The following ST3GAL3 variants were observed in gnomAD, a reference collection of about 807,000 sequenced individuals.
The protein encoded by ST3GAL3 is CMP-N-acetylneuraminate-beta-1,4-galactoside alpha-2,3-sialyltransferase.
ST3GAL3 carries 21 observed loss-of-function variants against 50.1 expected under a neutral mutation model. The ratio of observed to expected loss-of-function variants is 0.42; its 90% CI spans 0.30 to 0.60. ST3GAL3 has a LOEUF of 0.60. ST3GAL3 is among the 20% of genes least tolerant of loss of function. The pLI, the probability that ST3GAL3 is intolerant of heterozygous loss-of-function variation, is 0.19. For missense variants in ST3GAL3, 353 were observed against 489.4 expected, an observed-to-expected ratio of 0.72 and a Z score of 2.63; for synonymous variants, 183 against 190.0, an observed-to-expected ratio of 0.96 and a Z score of 0.30.
rs117748900 is a variant in ST3GAL3, at chr1:43,787,772, C to T, written c.119-4330C>T. Among the ~76,000 whole-genome samples the T allele has an allele frequency of 3.3e-5, 5 of 152,302 alleles. No homozygotes were observed. The East Asian group carries it at 9.6e-4, about 29-fold the overall frequency. Reference sequence around the variant, plus strand: ...CTTGGCTTGAAGGCGAAGGCTATCTCTAATTTGGCTCCATGGGGCCTGGCG... The same window carrying T: ...CTTGGCTTGAAGGCGAAGGCTATCTTTAATTTGGCTCCATGGGGCCTGGCG... On this transcript the variant is annotated intron_variant, in intron 2 of 11. Coordinates refer to ENST00000347631, the MANE Select transcript of ST3GAL3 (RefSeq NM_006279.5).
At chr1:43,764,130 T>A (rs957960114) in intron 2 of ST3GAL3, among the ~76,000 whole-genome samples, 5 of 152,204 alleles carry the variant, frequency 3.3e-5, no homozygotes, top group Admixed American at 2.0e-4. Context: ...TATTAATAGA[T>A]CCTTAATAAC....
chr1:43,780,805 A>AT (rs796160841), intron 2 of ST3GAL3, among the ~76,000 whole-genome samples: 22 of 148,474 alleles, frequency 1.5e-4, no homozygotes, highest in South Asian at 1.3e-3. Flanking sequence ...GAGTTTAATG[A>AT]TTTTTTTTTT....
chr1:43,845,438 T>C (rs2066084515), intron 5 of ST3GAL3, among the ~76,000 whole-genome samples: 1 of 152,118 alleles, frequency 6.6e-6, no homozygotes, highest in Non-Finnish European at 1.5e-5. Flanking sequence ...TTGTGTATAA[T>C]ATTCCCTTAT....
intron 4 of ST3GAL3, among the ~76,000 whole-genome samples, chr1:43,833,368 T>C (rs2063802883): frequency 6.6e-6 from 1 of 152,204 alleles, no homozygotes; most frequent in South Asian, 2.1e-4. Context: ...AATGGACAAT[T>C]ACTCTTCAGT....
chr1:43,851,646 C>T (rs528660895), intron 5 of ST3GAL3: 23 of 1,278,760 alleles, frequency 1.8e-5, no homozygotes, highest in African/African-American at 5.9e-5. Context: ...ACCTCAACAT[C>T]GCTGTCTTTG....
intron 4 of ST3GAL3, among the ~76,000 whole-genome samples, chr1:43,817,392 CCTCCTTTTTCTCCTTCTT>C (rs1281839448): frequency 1.3e-4 from 12 of 94,892 alleles, no homozygotes; most frequent in African/African-American, 3.5e-4. Context: ...TTCTTCTTCT[CCTCCTTTTTCTCCTTCTT>C]CTCCTCCTTC....
intron 5 of ST3GAL3, among the ~76,000 whole-genome samples, chr1:43,862,080 A>C (rs1487819947): frequency 1.3e-5 from 2 of 152,050 alleles, no homozygotes; most frequent in Non-Finnish European, 2.9e-5. Flanking sequence ...TCAGTGAGTA[A>C]CTTGAACGTT....
chr1:43,870,866 C>G (rs1444657267), intron 5 of ST3GAL3, among the ~76,000 whole-genome samples: 1 of 152,168 alleles, frequency 6.6e-6, no homozygotes, highest in Non-Finnish European at 1.5e-5. Context: ...AACCCCAAAA[C>G]TGTTGAGCAT....
intron 2 of ST3GAL3, chr1:43,772,291 G>A (rs191197620): frequency 9.2e-6 from 3 of 326,172 alleles, no homozygotes; most frequent in Non-Finnish European, 1.7e-5. Flanking sequence ...GAGGTGATCC[G>A]CCCGCCTCAG....
At chr1:43,708,348 A>T (rs1280434583) in intron 1 of ST3GAL3, among the ~76,000 whole-genome samples, 4 of 152,190 alleles carry the variant, frequency 2.6e-5, no homozygotes, top group African/African-American at 7.2e-5. Flanking sequence ...TCCTTCACGT[A>T]TGAGGAAGGA....
chr1:43,725,883 G>A (rs1672713516), intron 1 of ST3GAL3, among the ~76,000 whole-genome samples: 1 of 152,126 alleles, frequency 6.6e-6, no homozygotes, highest in East Asian at 1.9e-4. Flanking sequence ...AGGGTCAAGT[G>A]ATGTGCCTGC....
At chr1:43,781,124 A>G (rs1472872367) in intron 2 of ST3GAL3, among the ~76,000 whole-genome samples, 1 of 151,986 alleles carries the variant, frequency 6.6e-6, no homozygotes, top group African/African-American at 2.4e-5. Flanking sequence ...CCACTTGTCT[A>G]CTTGGTTTCC....
At chr1:43,770,128 A>G (rs1694517433) in intron 2 of ST3GAL3, among the ~76,000 whole-genome samples, 1 of 151,890 alleles carries the variant, frequency 6.6e-6, no homozygotes, top group African/African-American at 2.4e-5. Context: ...TCCTGGAAGC[A>G]TGGTTCAAGG....
chr1:43,718,335 G>A (rs1358556312), intron 1 of ST3GAL3, among the ~76,000 whole-genome samples: 11 of 151,282 alleles, frequency 7.3e-5, no homozygotes, highest in East Asian at 3.9e-4. Context: ...GACTATAGGC[G>A]CCCGCCACCA....
At chr1:43,742,250 C>A (rs1681257759) in intron 2 of ST3GAL3, among the ~76,000 whole-genome samples, 1 of 152,060 alleles carries the variant, frequency 6.6e-6, no homozygotes, top group African/African-American at 2.4e-5. Context: ...AGCTGAGACC[C>A]CAGACAGGCC....
At chr1:43,926,136 G>A (rs1199991436) in intron 11 of ST3GAL3, among the ~76,000 whole-genome samples, 1 of 152,200 alleles carries the variant, frequency 6.6e-6, no homozygotes, top group Non-Finnish European at 1.5e-5. Context: ...CAGCAGAGAA[G>A]TCCAGGCTGG....
chr1:43,898,405 C>G, intron 7 of ST3GAL3, 107 bp downstream of exon 7: 1 of 1,125,030 alleles, frequency 8.9e-7, no homozygotes, highest in Non-Finnish European at 1.3e-6. Flanking sequence ...TCCAGCACAT[C>G]CACACATGCA....
At chr1:43,777,971 T>C (rs1466438743) in intron 2 of ST3GAL3, among the ~76,000 whole-genome samples, 2 of 152,192 alleles carry the variant, frequency 1.3e-5, no homozygotes, top group Non-Finnish European at 2.9e-5. Flanking sequence ...TAGAGATACA[T>C]GCACTCATAC....
At position 43,899,014 on chromosome 1, in the gene ST3GAL3, C is replaced by T; in HGVS notation, c.462-154C>T. On this transcript the variant is annotated intron_variant, in intron 7 of 11. Coordinates refer to ENST00000347631, the MANE Select transcript of ST3GAL3 (RefSeq NM_006279.5). This position sits in a 1 kb window ranked among gnomAD's most constrained non-coding sequence, Gnocchi z 5.4. ...CCAGCTACCCATTGTATGGTTCAGGCCTTCTCTCAGAAATGCTGCCAGAAG... is the reference window on the plus strand; with the variant it reads ...CCAGCTACCCATTGTATGGTTCAGGTCTTCTCTCAGAAATGCTGCCAGAAG... The T allele has an allele frequency of 2.0e-6, 2 of 978,012 alleles. No homozygotes were observed. Among genetic ancestry groups the T allele is most frequent in the Admixed American group, 2.1e-5 (1 of 48,086 alleles). 60.6% of individuals were successfully genotyped at this position (978,012 alleles called of 1,614,324 possible).
Sources: allele counts gnomAD v4.1 joint callset (sites outside exome capture counted in the v4.1 genomes callset), GRCh38; gene constraint gnomAD v4.1.1; non-coding constraint Gnocchi (gnomAD v3.1); transcripts MANE v1.5; gene names NCBI Gene and HGNC (gene_info 2026-07-23, HGNC 2026-07-21).